The following CTNNA3 variants were observed in gnomAD, a reference collection of about 807,000 sequenced individuals.
The protein encoded by CTNNA3 is catenin alpha 3.
Under a neutral mutation model 95.7 loss-of-function variants are expected in CTNNA3, and 76 were observed. The ratio of observed to expected loss-of-function variants is 0.79; its 90% confidence interval spans 0.66 to 0.96. The LOEUF (loss-of-function observed/expected upper bound fraction) is 0.96, where lower values mean the gene tolerates loss of function less well. CTNNA3 is among the 40% of genes least tolerant of loss of function. The probability of loss-of-function intolerance (pLI) is 0.00; values close to 1 mark genes in which losing one functional copy is unlikely to be tolerated. For synonymous variants in CTNNA3, 431 were observed against 374.4 expected (o/e 1.15, Z -1.74); for missense variants, 1,191 against 1,089.8 (o/e 1.09, Z -1.31).
chr10:66,765,080 C>T (rs915752055), intron 9 of CTNNA3, among the ~76,000 whole-genome samples: 1 of 152,222 alleles, frequency 6.6e-6, no homozygotes, highest in African/African-American at 2.4e-5. Flanking sequence ...GGAGGTGGAA[C>T]GGCTTTGGGC....
At chr10:67,193,434 T>C (rs540070283) in intron 6 of CTNNA3, among the ~76,000 whole-genome samples, 1 of 152,128 alleles carries the variant, frequency 6.6e-6, no homozygotes, top group Non-Finnish European at 1.5e-5. Context: ...GTTTTACAGA[T>C]TATTTTGTCA....
intron 13 of CTNNA3, among the ~76,000 whole-genome samples, chr10:66,147,608 G>GTT (rs34193216): frequency 1.8e-3 from 191 of 105,718 alleles, no homozygotes; most frequent in East Asian, 2.3e-3. Flanking sequence ...GTTGCTTTCA[G>GTT]TTTTTTTTTT....
chr10:66,942,811 AT>A (rs1206609996), intron 7 of CTNNA3, among the ~76,000 whole-genome samples: 1 of 152,224 alleles, frequency 6.6e-6, no homozygotes, highest in African/African-American at 2.4e-5. Flanking sequence ...TAATTTAGGC[AT>A]TTAAAGGAAG....
At chr10:66,913,995 T>G (rs774121489) in intron 7 of CTNNA3, among the ~76,000 whole-genome samples, 1 of 152,180 alleles carries the variant, frequency 6.6e-6, no homozygotes, top group Admixed American at 6.5e-5. Context: ...ACATCTTCCA[T>G]GTAGGAGCGG....
chr10:66,063,499 C>A (rs1170200899), intron 15 of CTNNA3, among the ~76,000 whole-genome samples: 1 of 151,344 alleles, frequency 6.6e-6, no homozygotes, highest in Admixed American at 6.6e-5. Flanking sequence ...TTTACACATT[C>A]CTTTACTCTT....
At chr10:66,345,000 T>G (rs1300230274) in intron 12 of CTNNA3, among the ~76,000 whole-genome samples, 1 of 152,066 alleles carries the variant, frequency 6.6e-6, no homozygotes, top group African/African-American at 2.4e-5. Context: ...ATTAAAAAGC[T>G]AAGCCACAGG....
intron 13 of CTNNA3, among the ~76,000 whole-genome samples, chr10:66,189,196 T>C (rs1033143623): frequency 6.6e-6 from 1 of 151,932 alleles, no homozygotes; most frequent in Non-Finnish European, 1.5e-5. Context: ...TTGTTGACTA[T>C]TTGCTGTGCA....
rs571319232 is a variant in CTNNA3, at chr10:66,216,474, T to C, written c.1884+63996A>G. Among the ~76,000 whole-genome samples the C allele has an allele frequency of 2.0e-5, 3 of 152,306 alleles. No homozygotes were observed. The South Asian group carries it at 6.2e-4, about 32-fold the overall frequency. On this transcript the variant is annotated intron_variant, in intron 13 of 17. Transcript: ENST00000433211. ...TCTTCCTTTGGCCTCTTAGCCTCCT[T>C]AGACTTTGGGGATAAATTTGCACAT...
chr10:66,495,405 G>A (rs959029591), intron 11 of CTNNA3, among the ~76,000 whole-genome samples: 1 of 151,986 alleles, frequency 6.6e-6, no homozygotes, highest in Non-Finnish European at 1.5e-5. Flanking sequence ...CTTGAACTTG[G>A]TGTAATCAAA....
At chr10:67,026,418 G>T in intron 7 of CTNNA3, among the ~76,000 whole-genome samples, 1 of 151,538 alleles carries the variant, frequency 6.6e-6, no homozygotes, top group South Asian at 2.1e-4. Context: ...TAGAACTAAT[G>T]AATTGTATTA....
chr10:67,478,136 G>A (rs1226776784), intron 5 of CTNNA3, among the ~76,000 whole-genome samples: 2 of 151,998 alleles, frequency 1.3e-5, no homozygotes, highest in East Asian at 3.8e-4. Context: ...ACAAAAATAA[G>A]AAAAAACTAT....
chr10:66,612,637 A>G (rs1844367087), intron 10 of CTNNA3, among the ~76,000 whole-genome samples: 1 of 152,070 alleles, frequency 6.6e-6, no homozygotes, highest in South Asian at 2.1e-4. Context: ...GATCCCCACC[A>G]CTGTGACTGT....
chr10:67,324,476 T>C (rs1004466657), intron 5 of CTNNA3, among the ~76,000 whole-genome samples: 1 of 152,224 alleles, frequency 6.6e-6, no homozygotes, highest in African/African-American at 2.4e-5. Flanking sequence ...AAAAGCCTTT[T>C]CTGCATCTAT....
At chr10:65,966,584 G>T in intron 17 of CTNNA3, 28 bp downstream of exon 17, 3 of 1,580,918 alleles carry the variant, frequency 1.9e-6, no homozygotes, top group South Asian at 1.2e-5. Flanking sequence ...TTCCACCTGT[G>T]ATCATGTAAG....
At chr10:66,582,663 C>T (rs1911309) in intron 10 of CTNNA3, among the ~76,000 whole-genome samples, 143,963 of 151,844 alleles carry the variant, frequency 0.95, 68,653 homozygotes, top group Middle Eastern at 0.99. Context: ...GGCTAGGATT[C>T]CCTGTACTAT....
intron 14 of CTNNA3, among the ~76,000 whole-genome samples, chr10:66,090,499 A>C (rs1222111504): frequency 1.3e-5 from 2 of 152,046 alleles, no homozygotes; most frequent in African/African-American, 2.4e-5. Context: ...TAACCCTATG[A>C]TGTATGTCCA....
intron 7 of CTNNA3, among the ~76,000 whole-genome samples, chr10:66,830,763 T>C (rs959947679): frequency 1.3e-4 from 20 of 151,980 alleles, no homozygotes; most frequent in Middle Eastern, 6.8e-3. Flanking sequence ...GCGCCCGCCA[T>C]CACGCCCGGC....
chr10:67,552,887 G>T (rs1841084687), intron 3 of CTNNA3, among the ~76,000 whole-genome samples: 1 of 152,052 alleles, frequency 6.6e-6, no homozygotes, highest in South Asian at 2.1e-4. Context: ...TGATGTATAT[G>T]TACCACATTT....
chr10:66,233,103 T>C (rs1010293476), intron 13 of CTNNA3, among the ~76,000 whole-genome samples: 1 of 131,990 alleles, frequency 7.6e-6, no homozygotes, highest in African/African-American at 2.9e-5. Context: ...GAGCTTGTAG[T>C]GAGCCGAGAT....
Sources: allele counts gnomAD v4.1 joint callset (sites outside exome capture counted in the v4.1 genomes callset), GRCh38; gene constraint gnomAD v4.1.1; transcripts MANE v1.5; gene names NCBI Gene and HGNC (gene_info 2026-07-23, HGNC 2026-07-21).